PTPN4: variants seen among roughly 807,000 people sequenced by gnomAD.
The protein encoded by PTPN4 is protein tyrosine phosphatase non-receptor type 4, also known as tyrosine-protein phosphatase non-receptor type 4.
A neutral mutation model predicts 135.5 loss-of-function variants in PTPN4; 49 were observed. The ratio of observed to expected loss-of-function variants is 0.36; its 90% CI spans 0.29 to 0.46. The LOEUF (loss-of-function observed/expected upper bound fraction) is 0.46, where lower values mean the gene tolerates loss of function less well. Among genes scored for constraint, PTPN4 ranks in the 20% least tolerant of loss-of-function variants. PTPN4 has a pLI of 1.00. For missense variants in PTPN4, 860 were observed against 1,101.0 expected (o/e 0.78, Z 3.10); for synonymous variants, 333 against 369.9 (o/e 0.90, Z 1.14).
At position 119,850,567 on chromosome 2, in the gene PTPN4, A is replaced by C. The variant is rs559821207; in HGVS notation, c.139-11969A>C. 2.0e-5 allele frequency among the ~76,000 whole-genome samples: 3 copies of C among 152,310 alleles called. No individual in the cohort carries two copies. In the East Asian group the frequency reaches 5.8e-4, roughly 29 times the overall value. On this transcript the variant is annotated intron_variant, in intron 2 of 26. Transcript: ENST00000263708. ...AGGATCTGGGGAAGAAGGGATTTGC[A>C]TCTTCCTGGCCATATTTTCCCAGAG...
intron 25 of PTPN4, among the ~76,000 whole-genome samples, chr2:119,966,141 G>A (rs1371156505): frequency 6.6e-6 from 1 of 152,160 alleles, no homozygotes; most frequent in Admixed American, 6.5e-5. Context: ...TGGACGGGAT[G>A]AATACTGTTT....
intron 2 of PTPN4, among the ~76,000 whole-genome samples, chr2:119,842,916 G>A (rs555511119): frequency 3.6e-4 from 55 of 152,262 alleles, no homozygotes; most frequent in Non-Finnish European, 6.6e-4. Context: ...CTAGATTCAT[G>A]TAACAATTAT....
chr2:119,829,169 C>T (rs192210336), intron 2 of PTPN4, among the ~76,000 whole-genome samples: 3 of 152,118 alleles, frequency 2.0e-5, no homozygotes, highest in East Asian at 3.9e-4. Context: ...AGGGATTTGT[C>T]CATTTCTTCT....
At chr2:119,935,126 CT>C in intron 15 of PTPN4, 168 bp downstream of exon 15, 1 of 740,074 alleles carries the variant, frequency 1.4e-6, no homozygotes, top group Non-Finnish European at 2.1e-6. Context: ...TTCTTGTTGC[CT>C]CTCCCTCCCC....
At chr2:119,952,974 T>C (rs183117157) in intron 19 of PTPN4, among the ~76,000 whole-genome samples, 10 of 152,342 alleles carry the variant, frequency 6.6e-5, no homozygotes, top group Admixed American at 4.6e-4. Flanking sequence ...CTCTGTGCTA[T>C]GCATTATAAG....
chr2:119,916,324 G>T, intron 11 of PTPN4: 1 of 152,248 alleles, frequency 6.6e-6, no homozygotes, highest in Non-Finnish European at 1.5e-5. Flanking sequence ...TGAGCTGATT[G>T]TGCCACTGTA....
At chr2:119,861,372 T>G (rs1677757869) in intron 2 of PTPN4, among the ~76,000 whole-genome samples, 1 of 152,212 alleles carries the variant, frequency 6.6e-6, no homozygotes, top group Non-Finnish European at 1.5e-5. Context: ...GACCAAATTT[T>G]CAACACATGA....
chr2:119,871,796 C>A lies in PTPN4; in HGVS notation c.247-5527C>A, dbSNP rs562032127. 3.9e-5 allele frequency among the ~76,000 whole-genome samples: 6 copies of A among 152,216 alleles called. No homozygotes were observed. In the East Asian group the frequency reaches 1.2e-3, roughly 29 times the overall value. On this transcript the variant is annotated intron_variant, in intron 3 of 26. Coordinates refer to ENST00000263708, the MANE Select transcript of PTPN4 (RefSeq NM_002830.4). Reference sequence around the variant, plus strand: ...TATAGAAAACAAAAGGATAAACGATCATTCATCTAAACTTGGCTATGCTTC... The same window carrying A: ...TATAGAAAACAAAAGGATAAACGATAATTCATCTAAACTTGGCTATGCTTC...
chr2:119,888,933 A>T (rs1331946532), intron 9 of PTPN4, among the ~76,000 whole-genome samples: 1 of 152,176 alleles, frequency 6.6e-6, no homozygotes, highest in Non-Finnish European at 1.5e-5. Context: ...GTTTGGTAAC[A>T]TTCAGCTTTG....
chr2:119,822,617 A>C (rs944160508), intron 2 of PTPN4, among the ~76,000 whole-genome samples: 2 of 152,148 alleles, frequency 1.3e-5, no homozygotes, highest in Non-Finnish European at 2.9e-5. Context: ...TCGGCCTCCC[A>C]AAGTGCTGGG....
At chr2:119,845,265 GGAGGGAGAGGGA>G (rs1234261671) in intron 2 of PTPN4, among the ~76,000 whole-genome samples, 15 of 41,054 alleles carry the variant, frequency 3.7e-4, no homozygotes, top group African/African-American at 1.1e-3. Context: ...AGGGGGAGGG[GGAGGGAGAGGGA>G]GAGGGAGAGG....
At chr2:119,842,615 C>T (rs540743485) in intron 2 of PTPN4, among the ~76,000 whole-genome samples, 5 of 152,192 alleles carry the variant, frequency 3.3e-5, no homozygotes, top group Middle Eastern at 3.4e-3. Flanking sequence ...TATTGATAGA[C>T]GTGTAGAGTA....
intron 15 of PTPN4, among the ~76,000 whole-genome samples, chr2:119,938,945 A>G (rs1487244119): frequency 6.6e-6 from 1 of 152,212 alleles, no homozygotes; most frequent in Non-Finnish European, 1.5e-5. Flanking sequence ...GTTTACGAGC[A>G]CAAGCTCTGG....
intron 9 of PTPN4, among the ~76,000 whole-genome samples, chr2:119,898,365 C>A (rs1678354800): frequency 6.6e-6 from 1 of 152,118 alleles, no homozygotes; most frequent in African/African-American, 2.4e-5. Context: ...CAAAACATAT[C>A]ATAAAAATGG....
At chr2:119,932,677 G>A (rs1268638669) in intron 14 of PTPN4, 128 bp downstream of exon 14, 1 of 1,138,226 alleles carries the variant, frequency 8.8e-7, no homozygotes, top group Non-Finnish European at 1.2e-6. Context: ...CATGATTTTT[G>A]TTGCTCCAGA....
At chr2:119,895,659 C>T (rs560619607) in intron 9 of PTPN4, among the ~76,000 whole-genome samples, 16 of 151,872 alleles carry the variant, frequency 1.1e-4, no homozygotes, top group Admixed American at 7.2e-4. Flanking sequence ...CAGTGGCTCA[C>T]GCCTGTAATC....
At chr2:119,962,580 A>G in intron 23 of PTPN4, 36 bp from the exon 24 acceptor site, 1 of 1,161,222 alleles carries the variant, frequency 8.6e-7, no homozygotes, top group Non-Finnish European at 1.1e-6. Flanking sequence ...CCATATGTAT[A>G]TAATTTTATT....
chr2:119,808,836 T>G (rs1691529352), intron 1 of PTPN4, among the ~76,000 whole-genome samples: 1 of 152,248 alleles, frequency 6.6e-6, no homozygotes, highest in African/African-American at 2.4e-5. Flanking sequence ...TACTTTGAGC[T>G]TTAATCTTTT....
At chr2:119,829,322 G>T (rs1677187815) in intron 2 of PTPN4, among the ~76,000 whole-genome samples, 1 of 152,204 alleles carries the variant, frequency 6.6e-6, no homozygotes, top group South Asian at 2.1e-4. Context: ...TTTAAAAATT[G>T]TTGTAAAATA....
Sources: allele counts gnomAD v4.1 joint callset (sites outside exome capture counted in the v4.1 genomes callset), GRCh38; gene constraint gnomAD v4.1.1; transcripts MANE v1.5; gene names NCBI Gene and HGNC (gene_info 2026-07-23, HGNC 2026-07-21).